GPC6: variants seen among roughly 807,000 people sequenced by gnomAD.
GPC6 encodes glypican 6, also known as glypican-6.
A neutral mutation model predicts 55.2 loss-of-function variants in GPC6; 14 were observed. The ratio of observed to expected loss-of-function variants is 0.25; its 90% CI spans 0.17 to 0.40. The LOEUF (loss-of-function observed/expected upper bound fraction) is 0.40, where lower values mean the gene tolerates loss of function less well. GPC6 is among the 10% of genes least tolerant of loss of function. GPC6 has a pLI of 1.00. For synonymous variants in GPC6, 278 were observed against 259.6 expected (o/e 1.07, Z -0.68); for missense variants, 641 against 708.5 (o/e 0.90, Z 1.08).
At position 94,160,177 on chromosome 13, in the gene GPC6, A is replaced by G. The variant is rs117633345; in HGVS notation, c.878-126172A>G. Among the ~76,000 whole-genome samples, 644 of 152,282 alleles carry G rather than the reference A, an allele frequency of 4.2e-3. 4 individuals carry two copies. Among genetic ancestry groups the G allele is most frequent in the Middle Eastern group, 6.8e-3 (2 of 294 alleles). ...TGAAGTATATTGTTATAATTGTTCT[A>G]TTTTATTATTAGTTATTGCTGTTAA... On this transcript the variant is annotated intron_variant, in intron 4 of 8. Coordinates refer to ENST00000377047, the MANE Select transcript of GPC6 (RefSeq NM_005708.5).
At chr13:94,171,545 C>G (rs1278625940) in intron 4 of GPC6, among the ~76,000 whole-genome samples, 1 of 152,060 alleles carries the variant, frequency 6.6e-6, no homozygotes, top group Non-Finnish European at 1.5e-5. Context: ...CAAATGCCTC[C>G]TAGACTAAAA....
At chr13:94,245,724 GTGTGTGTGTGTGTC>G (rs1249536109) in intron 4 of GPC6, among the ~76,000 whole-genome samples, 4 of 151,584 alleles carry the variant, frequency 2.6e-5, no homozygotes, top group Admixed American at 6.6e-5. Flanking sequence ...TTGTGTGTAT[GTGTGTGTGTGTGTC>G]TGTGTGTGTG....
chr13:93,930,064 A>T (rs1878078692), intron 3 of GPC6, among the ~76,000 whole-genome samples: 1 of 152,078 alleles, frequency 6.6e-6, no homozygotes, highest in South Asian at 2.1e-4. Context: ...AATTTAAAAA[A>T]AAATGCCAAG....
At chr13:93,329,453 C>T (rs896501931) in intron 1 of GPC6, among the ~76,000 whole-genome samples, 3 of 152,296 alleles carry the variant, frequency 2.0e-5, no homozygotes, top group African/African-American at 7.2e-5. Flanking sequence ...ACACTATCTC[C>T]CTACTTCTGG....
Position 93,287,443 on chromosome 13 carries a change from C to A in GPC6, c.160+59827C>A, listed in dbSNP as rs143221608. 3.4e-3 allele frequency among the ~76,000 whole-genome samples: 519 copies of A among 152,244 alleles called. 3 individuals carry two copies. The highest frequency in any genetic ancestry group is 0.011 in the African/African-American group (469 of 41,538). On this transcript the variant is annotated intron_variant, in intron 1 of 8. Coordinates refer to ENST00000377047, the MANE Select transcript of GPC6 (RefSeq NM_005708.5). ...TCCCCGCCTGGTGTCTGTTCTCACC[C>A]AGGAATTGGCCAGCAACTCATCCAG...
chr13:94,255,220 G>T (rs1345360633), intron 4 of GPC6, among the ~76,000 whole-genome samples: 1 of 152,138 alleles, frequency 6.6e-6, no homozygotes, highest in Non-Finnish European at 1.5e-5. Flanking sequence ...GTGGAGGAAA[G>T]GACTTATAAT....
rs937213065 is a variant in GPC6, at chr13:94,329,454, A to G, written c.1152+23331A>G. ...ATTTGCTTAGTCTGGGAGATGTCCAATTCCTCCCTCAGAAGAGAATCACGC... is the reference window on the plus strand; with the variant it reads ...ATTTGCTTAGTCTGGGAGATGTCCAGTTCCTCCCTCAGAAGAGAATCACGC... On this transcript the variant is annotated intron_variant, in intron 6 of 8. Coordinates refer to ENST00000377047, the MANE Select transcript of GPC6 (RefSeq NM_005708.5). Among the ~76,000 whole-genome samples the G allele has an allele frequency of 2.0e-5, 3 of 152,136 alleles. No homozygotes were observed. In the East Asian group the frequency reaches 5.8e-4, roughly 29 times the overall value.
Position 93,702,305 on chromosome 13 carries a change from A to C in GPC6, c.320-127849A>C, listed in dbSNP as rs574167257. Among the ~76,000 whole-genome samples, 119 of 152,014 alleles carry C rather than the reference A, an allele frequency of 7.8e-4. 4 individuals are homozygous for C. The South Asian group carries it at 0.024, about 31-fold the overall frequency. Reference sequence around the variant, plus strand: ...TTTGATAGGAATCTTTTTTTTTCTAAATAGTAGGTCTCAACAGTGGGCTTA... The same window carrying C: ...TTTGATAGGAATCTTTTTTTTTCTACATAGTAGGTCTCAACAGTGGGCTTA... On this transcript the variant is annotated intron_variant, in intron 2 of 8. Coordinates refer to ENST00000377047, the MANE Select transcript of GPC6 (RefSeq NM_005708.5).
intron 2 of GPC6, among the ~76,000 whole-genome samples, chr13:93,667,582 G>A (rs1231599863): frequency 6.6e-6 from 1 of 151,934 alleles, no homozygotes; most frequent in South Asian, 2.1e-4. Context: ...ACAGGTGCCC[G>A]CCACCATGCC....
At position 93,391,091 on chromosome 13, in the gene GPC6, A is replaced by T. The variant is rs1428233544; in HGVS notation, c.161-154172A>T. Among the ~76,000 whole-genome samples the T allele has an allele frequency of 2.0e-5, 3 of 152,164 alleles. No individual in the cohort carries two copies. The East Asian group carries it at 5.8e-4, about 29-fold the overall frequency. ...TATGTGCTGTATCACCAAGTTTGTT[A>T]TAATGATATAGAAAAAAGGGAGTTC... is the stretch of plus-strand genomic sequence containing the variant. On this transcript the variant is annotated intron_variant, in intron 1 of 8. Transcript: ENST00000377047.
chr13:93,413,425 T>C (rs1198676757), intron 1 of GPC6, among the ~76,000 whole-genome samples: 1 of 152,140 alleles, frequency 6.6e-6, no homozygotes, highest in East Asian at 1.9e-4. Context: ...TACTACATGA[T>C]ATGAACTATA....
chr13:94,393,985 G>T (rs1376856287), intron 7 of GPC6, among the ~76,000 whole-genome samples: 1 of 152,098 alleles, frequency 6.6e-6, no homozygotes, highest in Non-Finnish European at 1.5e-5. Context: ...CTGTGGGGAT[G>T]GTCCTGTTTA....
chr13:94,144,101 T>C (rs1361168578), intron 4 of GPC6, among the ~76,000 whole-genome samples: 3 of 152,092 alleles, frequency 2.0e-5, no homozygotes, highest in Non-Finnish European at 4.4e-5. Flanking sequence ...TACAAAAGTA[T>C]CCAGCCTCTG....
intron 4 of GPC6, among the ~76,000 whole-genome samples, chr13:94,223,804 A>T (rs1191306715): frequency 6.6e-6 from 1 of 152,144 alleles, no homozygotes; most frequent in African/African-American, 2.4e-5. Flanking sequence ...TTATTCATGG[A>T]TTCTCTATTT....
At position 94,138,709 on chromosome 13, in the gene GPC6, T is replaced by C. The variant is rs562421619; in HGVS notation, c.877+110815T>C. On this transcript the variant is annotated intron_variant, in intron 4 of 8. Transcript: ENST00000377047. ...AGCTTAAGCCTACTTAAGGTATCAT[T>C]ATTTTTTATTTTCTGGAAGGGCTGA... 9.8e-5 allele frequency among the ~76,000 whole-genome samples: 15 copies of C among 152,320 alleles called. No individual in the cohort carries two copies. The South Asian group carries it at 1.0e-3, about 11-fold the overall frequency.
intron 2 of GPC6, among the ~76,000 whole-genome samples, chr13:93,780,376 ATTAGC>A (rs890206439): frequency 3.9e-5 from 6 of 152,124 alleles, no homozygotes; most frequent in African/African-American, 1.2e-4. Context: ...ATTGTAAACA[ATTAGC>A]TTAGCCATCA....
intron 3 of GPC6, among the ~76,000 whole-genome samples, chr13:94,014,716 A>G (rs1013961658): frequency 2.0e-5 from 3 of 152,098 alleles, no homozygotes; most frequent in African/African-American, 7.2e-5. Flanking sequence ...CCATCCCCTG[A>G]CAACCACTAA....
intron 4 of GPC6, among the ~76,000 whole-genome samples, chr13:94,052,397 G>C (rs1400987638): frequency 1.3e-5 from 2 of 152,142 alleles, no homozygotes; most frequent in African/African-American, 2.4e-5. Context: ...GAAAAGGGGT[G>C]AAAATGCCTA....
At chr13:93,640,636 A>G (rs1185689080) in intron 2 of GPC6, among the ~76,000 whole-genome samples, 7 of 152,014 alleles carry the variant, frequency 4.6e-5, no homozygotes, top group Non-Finnish European at 1.0e-4. Flanking sequence ...GAGAAAAGAT[A>G]GAATAAAAGC....
Sources: allele counts gnomAD v4.1 joint callset (sites outside exome capture counted in the v4.1 genomes callset), GRCh38; gene constraint gnomAD v4.1.1; transcripts MANE v1.5; gene names NCBI Gene and HGNC (gene_info 2026-07-23, HGNC 2026-07-21).